Variants in SLC22A7 observed in about 807,000 individuals in gnomAD.
The protein encoded by SLC22A7 is solute carrier family 22 member 7, also known as hOAT2.
SLC22A7 carries 48 observed loss-of-function variants against 62.2 expected under a neutral mutation model. That is an observed-to-expected ratio of 0.77 (90% CI 0.61 to 0.98). The LOEUF (loss-of-function observed/expected upper bound fraction) is 0.98, where lower values mean the gene tolerates loss of function less well. SLC22A7 is among the 50% of genes least tolerant of loss of function. SLC22A7 has a pLI of 0.00. For missense variants in SLC22A7, 581 were observed against 703.8 expected (o/e 0.83, Z 1.97); for synonymous variants, 276 against 314.8 (o/e 0.88, Z 1.30).
At position 43,302,325 on chromosome 6, in the gene SLC22A7, C is replaced by T. The variant is rs780208113; in HGVS notation, c.1187C>T (p.Ser396Leu). ...ELPSKLLVYL[S>L]VRYAGRRLTQ... ...CCCTCCAAGCTGCTGGTCTACTTGT[C>T]GGTGCGCTACGCAGGACGCCGCCTC... Residue 396 changes from serine to leucine, a missense_variant, in exon 8 of 11, where the codon TCG (serine) becomes TTG (leucine). Physicochemically the swap from Ser to Leu is moderately radical, Grantham distance 145 (BLOSUM62 -2). Transcript: ENST00000372585. This position sits in a 1 kb window ranked among gnomAD's most constrained non-coding sequence, Gnocchi z 5.0. The T allele has an allele frequency of 9.3e-6, 15 of 1,613,558 alleles. No individual in the cohort carries two copies. Among genetic ancestry groups the T allele is most frequent in the African/African-American group, 2.7e-5 (2 of 74,878 alleles).
Position 43,299,525 on chromosome 6 carries a change from G to T in SLC22A7, c.503+32G>T. 6.2e-7 allele frequency: 1 copy of T among 1,605,512 alleles called. No individual in the cohort carries two copies. The highest frequency in any genetic ancestry group is 8.5e-7 in the Non-Finnish European group (1 of 1,174,324). On this transcript the variant is annotated intron_variant, in intron 3 of 10. Coordinates refer to ENST00000372585, the MANE Select transcript of SLC22A7 (RefSeq NM_153320.2). The surrounding 1 kb of genome is among the most constrained non-coding windows in gnomAD (Gnocchi z 4.4). ...TGAGGCACTGGGCCAATAAGAAACT[G>T]GCTGGGGGAACTTTCTCCCACTAGC...
At chr6:43,300,259 A>G in intron 5 of SLC22A7, 193 bp downstream of exon 5, 1 of 628,590 alleles carries the variant, frequency 1.6e-6, no homozygotes. Flanking sequence ...GGCAAGGAAA[A>G]GTGAGAAACA....
At chr6:43,301,340 C>T (rs1350930835) in intron 6 of SLC22A7, 82 bp downstream of exon 6, 2 of 1,579,662 alleles carry the variant, frequency 1.3e-6, no homozygotes, top group Non-Finnish European at 8.6e-7. Context: ...TCCCAGAGCC[C>T]ACCATATATG....
At chr6:43,297,619 CA>C (rs1281426070), upstream of SLC22A7, among the ~76,000 whole-genome samples, 2 of 152,182 alleles carry the variant, frequency 1.3e-5, no homozygotes, top group East Asian at 3.9e-4. Context: ...CCTATCCCTC[CA>C]AAAGGTAATT....
At chr6:43,298,163 C>T (rs1240907304), upstream of SLC22A7, 3 of 563,518 alleles carry the variant, frequency 5.3e-6, no homozygotes, top group Non-Finnish European at 9.3e-6. Context: ...CCAGGCAAGA[C>T]AGGTAGAGGT....
Position 43,298,303 on chromosome 6 carries a change from G to T in SLC22A7, c.-56G>T. ...CAAGGGTCTATGTGGTGGGCAGTTT[G>T]AGCTGGCTGGATACTAGAGGGAGGC... On this transcript the variant is annotated 5_prime_UTR_variant, in exon 1 of 11. The change abolishes the stop of an existing upstream ORF in the 5' untranslated region. Transcript: ENST00000372585. 1 of 1,494,626 alleles carries T rather than the reference G, an allele frequency of 6.7e-7. No individual in the cohort carries two copies. Among genetic ancestry groups the T allele is most frequent in the South Asian group, 1.3e-5 (1 of 78,704 alleles). The allele number at this position is 1,494,626 out of a possible 1,614,324, so 92.6% of individuals were successfully genotyped here. A position where few individuals can be genotyped will look rare whatever the true frequency, so the allele number is the denominator to read the frequency against.
upstream of SLC22A7, among the ~76,000 whole-genome samples, chr6:43,296,982 C>T (rs1429341597): frequency 2.6e-5 from 4 of 152,048 alleles, no homozygotes; most frequent in African/African-American, 4.8e-5. Context: ...GGGTAGGGAC[C>T]GTGTCTGAGG....
At position 43,299,428 on chromosome 6, in the gene SLC22A7, T is replaced by C. The variant is rs933515639; in HGVS notation, c.438T>C (p.Ala146=). The change falls in exon 3 of 11, where the codon GCT becomes GCC. Residue 146 remains alanine, a synonymous_variant. Coordinates refer to ENST00000372585, the MANE Select transcript of SLC22A7 (RefSeq NM_153320.2). This position sits in a 1 kb window ranked among gnomAD's most constrained non-coding sequence, Gnocchi z 4.4. ...LVCEQKGLNR[A]ASTFFFAGVL... ...GTGAGCAGAAAGGTCTGAACAGAGC[T>C]GCGTCCACTTTCTTCTTCGCCGGTG... is the stretch of plus-strand genomic sequence containing the variant. 2 of 1,614,052 alleles carry C rather than the reference T, an allele frequency of 1.2e-6. No individual in the cohort carries two copies. Among genetic ancestry groups the C allele is most frequent in the African/African-American group, 1.3e-5 (1 of 74,916 alleles).
At chr6:43,303,282 G>T in intron 9 of SLC22A7, 1 of 336,594 alleles carries the variant, frequency 3.0e-6, no homozygotes, top group Non-Finnish European at 4.2e-6. Flanking sequence ...CCAACATGGT[G>T]AAACCCTGTC....
chr6:43,301,315 T>G, intron 6 of SLC22A7, 57 bp downstream of exon 6: 2 of 1,604,604 alleles, frequency 1.2e-6, no homozygotes, highest in Non-Finnish European at 1.7e-6. Context: ...GAGTGGGCTG[T>G]GTCAAGTGCC....
Position 43,299,237 on chromosome 6 carries a change from G to A in SLC22A7, c.399+140G>A. On this transcript the variant is annotated intron_variant, in intron 2 of 10. Coordinates refer to ENST00000372585, the MANE Select transcript of SLC22A7 (RefSeq NM_153320.2). The surrounding 1 kb of genome is among the most constrained non-coding windows in gnomAD (Gnocchi z 4.4). ...GACAAAGTTTCCTATTCCCCAAGCT[G>A]GCGTGAATCGTTGGGAGGTTTATTA... 6.2e-7 allele frequency: 1 copy of A among 1,611,324 alleles called. No individual in the cohort carries two copies.
chr6:43,304,606 G>A (rs757707198), intron 10 of SLC22A7, 65 bp from the exon 11 acceptor site: 3 of 1,455,564 alleles, frequency 2.1e-6, no homozygotes, highest in South Asian at 1.2e-5. Context: ...GCCCTGATGG[G>A]GCAGGCTGGG....
Position 43,298,265 on chromosome 6 carries a change from C to A in SLC22A7, c.-94C>A. On this transcript the variant is annotated 5_prime_UTR_variant, in exon 1 of 11. Coordinates refer to ENST00000372585, the MANE Select transcript of SLC22A7 (RefSeq NM_153320.2). Reference sequence around the variant, plus strand: ...GCAGGCTCTCCAGTCCATCCACTCCCACCTCCAGAGTCCAAGGGTCTATGT... The same window carrying A: ...GCAGGCTCTCCAGTCCATCCACTCCAACCTCCAGAGTCCAAGGGTCTATGT... 8.8e-7 allele frequency: 1 copy of A among 1,142,018 alleles called. No homozygotes were observed. Among genetic ancestry groups the A allele is most frequent in the Non-Finnish European group, 1.2e-6 (1 of 808,608 alleles). 70.7% of individuals were successfully genotyped at this position (1,142,018 alleles called of 1,614,324 possible).
At chr6:43,301,098 T>A in intron 5 of SLC22A7, 37 bp from the exon 6 acceptor site, 1 of 1,613,756 alleles carries the variant, frequency 6.2e-7, no homozygotes, top group Non-Finnish European at 8.5e-7. Flanking sequence ...CTTAGGGTCA[T>A]GACTTTCTGG....
chr6:43,301,270 C>T lies in SLC22A7; in HGVS notation c.951+12C>T, dbSNP rs752573982. The T allele has an allele frequency of 8.1e-6, 13 of 1,613,872 alleles. No homozygotes were observed. Among genetic ancestry groups the T allele is most frequent in the South Asian group, 6.6e-5 (6 of 91,062 alleles). The stretch of plus-strand genomic sequence containing the variant: ...GCTTCAGCCAGGAGGTGAGGGTGAA[C>T]GTGTGTGTGAGCATGCATATATGTG... On this transcript the variant is annotated intron_variant, in intron 6 of 10. Coordinates refer to ENST00000372585, the MANE Select transcript of SLC22A7 (RefSeq NM_153320.2).
rs762119494 is a variant in SLC22A7 at position 43,301,117 on chromosome 6, C to G, written c.828-18C>G. 1 of 1,614,068 alleles carries G rather than the reference C, an allele frequency of 6.2e-7. No homozygotes were observed. Among genetic ancestry groups the G allele is most frequent in the Non-Finnish European group, 8.5e-7 (1 of 1,179,960 alleles). On this transcript the variant is annotated intron_variant, in intron 5 of 10. Coordinates refer to ENST00000372585, the MANE Select transcript of SLC22A7 (RefSeq NM_153320.2). Reference sequence around the variant, plus strand: ...GGGTCATGACTTTCTGGCTGATGGACCTTCTGCCTATTCCTAGGTGGGTGC... The same window carrying G: ...GGGTCATGACTTTCTGGCTGATGGAGCTTCTGCCTATTCCTAGGTGGGTGC...
At position 43,301,072 on chromosome 6, in the gene SLC22A7, G is replaced by A; in HGVS notation, c.828-63G>A. 2.5e-6 allele frequency: 4 copies of A among 1,607,294 alleles called. 1 individual carries two copies. The South Asian group carries it at 3.3e-5, about 13-fold the overall frequency. ...CCTGGAAGTTGAGAGCCTGTAGTAT[G>A]TCCAGGAACATGTGGCTTAGGGTCA... On this transcript the variant is annotated intron_variant, in intron 5 of 10. Coordinates refer to ENST00000372585, the MANE Select transcript of SLC22A7 (RefSeq NM_153320.2).
chr6:43,301,428 C>T lies in SLC22A7; in HGVS notation c.952-155C>T. 4 of 1,103,914 alleles carry T rather than the reference C, an allele frequency of 3.6e-6. No homozygotes were observed. The Admixed American group carries it at 8.6e-5, about 24-fold the overall frequency. 68.4% of individuals were successfully genotyped at this position (1,103,914 alleles called of 1,614,324 possible). A position where few individuals can be genotyped will look rare whatever the true frequency, so the allele number is the denominator to read the frequency against. ...CTACCTGGCTCCAGTGGGCCACATC[C>T]ATCATTCGAGACCCACTCGTCTCAG... On this transcript the variant is annotated intron_variant, in intron 6 of 10. Transcript: ENST00000372585.
chr6:43,300,999 T>C (rs1778721984), intron 5 of SLC22A7, 136 bp from the exon 6 acceptor site: 4 of 1,107,410 alleles, frequency 3.6e-6, no homozygotes, highest in African/African-American at 3.1e-5. Context: ...TGTGGAGGGC[T>C]TGGGGAGGAG....
Sources: gnomAD v4.1 joint callset for allele counts (sites outside exome capture counted in the v4.1 genomes callset) on GRCh38, gnomAD v4.1.1 for gene constraint, Gnocchi (gnomAD v3.1) non-coding constraint, MANE v1.5 for transcripts, NCBI Gene and HGNC (gene_info 2026-07-23, HGNC 2026-07-21) for gene names.